Variants in L3MBTL4 observed in about 807,000 individuals in gnomAD.
L3MBTL4 encodes L3MBTL histone methyl-lysine binding protein 4.
L3MBTL4 carries 70 observed loss-of-function variants against 84.5 expected under a neutral mutation model. That is an observed-to-expected ratio of 0.83 (90% CI 0.68 to 1.01). The LOEUF is 1.01. L3MBTL4 is among the 50% of genes least tolerant of loss of function. L3MBTL4 has a pLI of 0.00. For synonymous variants in L3MBTL4, 274 were observed against 259.8 expected (o/e 1.05, Z -0.52); for missense variants, 715 against 754.8 (o/e 0.95, Z 0.62).
At chr18:5,960,066 A>T in intron 18 of L3MBTL4, 28 bp downstream of exon 18, 1 of 696,878 alleles carries the variant, frequency 1.4e-6, no homozygotes, top group Non-Finnish European at 2.2e-6. Flanking sequence ...ATATACATAT[A>T]TATATATATA....
In L3MBTL4 at chr18:5,985,262, C is replaced by A. The variant is rs563971065; in HGVS notation, c.1445-15700G>T. On this transcript the variant is annotated intron_variant, in intron 16 of 18. Coordinates refer to ENST00000317931, the MANE Select transcript of L3MBTL4 (RefSeq NM_001330559.2). ...AGGGAATCAGTGGGAAACCGGAAGG[C>A]AGATTTTTGTTAAGGCTGACCTGAA... Among the ~76,000 whole-genome samples, 417 of 152,310 alleles carry A rather than the reference C, an allele frequency of 2.7e-3. 2 individuals are homozygous for A. The highest frequency in any genetic ancestry group is 9.2e-3 in the African/African-American group (382 of 41,576).
intron 4 of L3MBTL4, among the ~76,000 whole-genome samples, chr18:6,296,827 A>C (rs2050126925): frequency 6.6e-6 from 1 of 152,160 alleles, no homozygotes; most frequent in Admixed American, 6.5e-5. Context: ...ATTATTTGAG[A>C]GATGTCAAGA....
At chr18:6,301,259 C>T (rs966924181) in intron 4 of L3MBTL4, among the ~76,000 whole-genome samples, 2 of 151,842 alleles carry the variant, frequency 1.3e-5, no homozygotes, top group African/African-American at 2.4e-5. Flanking sequence ...GCTTCCTTTC[C>T]GTAGATAATA....
At chr18:6,198,627 A>C (rs2045513541) in intron 12 of L3MBTL4, among the ~76,000 whole-genome samples, 1 of 152,190 alleles carries the variant, frequency 6.6e-6, no homozygotes, top group South Asian at 2.1e-4. Context: ...TCCCCCAAAA[A>C]ACATAAATTC....
chr18:6,390,894 C>G (rs1308790233), intron 1 of L3MBTL4, among the ~76,000 whole-genome samples: 1 of 152,112 alleles, frequency 6.6e-6, no homozygotes, highest in Non-Finnish European at 1.5e-5. Context: ...CTGAATTCTA[C>G]CAGACATTCA....
intron 1 of L3MBTL4, among the ~76,000 whole-genome samples, chr18:6,355,895 G>A (rs372247811): frequency 2.0e-5 from 3 of 150,978 alleles, no homozygotes; most frequent in African/African-American, 4.9e-5. Flanking sequence ...CCATGTGCAC[G>A]ATAAGTGATT....
chr18:6,027,054 T>C (rs1217652358), intron 16 of L3MBTL4, among the ~76,000 whole-genome samples: 1 of 152,194 alleles, frequency 6.6e-6, no homozygotes, highest in Non-Finnish European at 1.5e-5. Context: ...AGTTCTGGGA[T>C]ACATGTGCAG....
At chr18:6,303,891 G>T (rs2050454556) in intron 3 of L3MBTL4, among the ~76,000 whole-genome samples, 1 of 151,900 alleles carries the variant, frequency 6.6e-6, no homozygotes, top group Non-Finnish European at 1.5e-5. Flanking sequence ...GCGGGCACCT[G>T]TAATCCCAGC....
At chr18:6,186,254 C>A (rs1213356652) in intron 12 of L3MBTL4, among the ~76,000 whole-genome samples, 8 of 152,046 alleles carry the variant, frequency 5.3e-5, no homozygotes, top group Non-Finnish European at 7.3e-5. Flanking sequence ...GTTGGCCAGG[C>A]TGGTCTCGAA....
chr18:5,958,600 A>G (rs549169475), intron 18 of L3MBTL4, among the ~76,000 whole-genome samples: 9 of 152,266 alleles, frequency 5.9e-5, no homozygotes, highest in African/African-American at 2.2e-4. Context: ...TTGCAAGCTT[A>G]ATGACTTGCC....
intron 14 of L3MBTL4, among the ~76,000 whole-genome samples, chr18:6,134,679 C>G (rs1325832174): frequency 6.6e-6 from 1 of 152,248 alleles, no homozygotes; most frequent in Non-Finnish European, 1.5e-5. Flanking sequence ...GGTCTCACAT[C>G]CAAGCCACGC....
intron 1 of L3MBTL4, among the ~76,000 whole-genome samples, chr18:6,373,802 A>G (rs1259715078): frequency 6.6e-6 from 1 of 151,732 alleles, no homozygotes; most frequent in Admixed American, 6.6e-5. Context: ...CCACTTTACC[A>G]CTTCCATAAA....
chr18:6,005,527 C>T (rs943463356), intron 16 of L3MBTL4, among the ~76,000 whole-genome samples: 3 of 152,132 alleles, frequency 2.0e-5, no homozygotes, highest in African/African-American at 7.2e-5. Flanking sequence ...GTCTGTGGTT[C>T]TCTTCCTTGT....
chr18:6,049,531 T>G (rs777664645), intron 16 of L3MBTL4, among the ~76,000 whole-genome samples: 1 of 152,210 alleles, frequency 6.6e-6, no homozygotes, highest in Non-Finnish European at 1.5e-5. Flanking sequence ...TGGAATACTA[T>G]GCAGCCATAA....
At chr18:6,387,662 T>C (rs570625981) in intron 1 of L3MBTL4, among the ~76,000 whole-genome samples, 10 of 152,154 alleles carry the variant, frequency 6.6e-5, no homozygotes, top group Non-Finnish European at 1.5e-4. Flanking sequence ...ATACCGAAGA[T>C]GTGGTTTTGG....
intron 1 of L3MBTL4, among the ~76,000 whole-genome samples, chr18:6,403,870 G>A (rs892280668): frequency 6.6e-5 from 10 of 151,684 alleles, no homozygotes; most frequent in East Asian, 1.9e-4. Context: ...CCAACGAGTG[G>A]ATAAAGAAAA....
chr18:6,035,452 T>C (rs1396637959), intron 16 of L3MBTL4, among the ~76,000 whole-genome samples: 1 of 150,818 alleles, frequency 6.6e-6, no homozygotes, highest in South Asian at 2.1e-4. Context: ...AAAGATCAGA[T>C]AGTTGTAGAT....
rs144187020 is a variant in L3MBTL4 at position 6,192,467 on chromosome 18, G to A, written c.982-20525C>T. On this transcript the variant is annotated intron_variant, in intron 12 of 18. Transcript: ENST00000317931. ...AGGGAGATGTGTGGCAACAGGAGCA[G>A]GCAGGTGCAGCGGGTGGTGCTGGCA... Among the ~76,000 whole-genome samples, 643 of 152,178 alleles carry A rather than the reference G, an allele frequency of 4.2e-3. 3 individuals carry two copies. Among genetic ancestry groups the A allele is most frequent in the Middle Eastern group, 0.017 (5 of 294 alleles).
At chr18:6,179,202 C>T (rs777109747) in intron 12 of L3MBTL4, among the ~76,000 whole-genome samples, 55 of 152,160 alleles carry the variant, frequency 3.6e-4, no homozygotes, top group Admixed American at 7.9e-4. Flanking sequence ...TTATTGGATA[C>T]GTTTGTTTTA....
Sources: allele counts gnomAD v4.1 joint callset (sites outside exome capture counted in the v4.1 genomes callset), GRCh38; gene constraint gnomAD v4.1.1; transcripts MANE v1.5; gene names NCBI Gene and HGNC (gene_info 2026-07-23, HGNC 2026-07-21).